Variants in PRKAR1A observed in about 807,000 individuals in gnomAD.
PRKAR1A encodes protein kinase cAMP-dependent type I regulatory subunit alpha.
PRKAR1A carries 3 observed loss-of-function variants against 52.0 expected under a neutral mutation model. The ratio of observed to expected loss-of-function variants is 0.06; its 90% CI spans 0.03 to 0.15. PRKAR1A has a LOEUF of 0.15. PRKAR1A is among the 10% of genes least tolerant of loss of function. The pLI, the probability that PRKAR1A is intolerant of heterozygous loss-of-function variation, is 1.00. For missense variants in PRKAR1A, 240 were observed against 477.4 expected, an observed-to-expected ratio of 0.50 and a Z score of 4.63; for synonymous variants, 188 against 168.4, an observed-to-expected ratio of 1.12 and a Z score of -0.90.
downstream of PRKAR1A, chr17:68,536,132 A>G (rs1041938078): frequency 1.0e-4 from 47 of 454,030 alleles, 1 homozygote; most frequent in Admixed American, 1.1e-3. Flanking sequence ...CCACGGGGTC[A>G]GAAGTGTTAT....
At chr17:68,536,466 C>T (rs2086099194), downstream of PRKAR1A, 1 of 453,988 alleles carries the variant, frequency 2.2e-6, no homozygotes, top group Admixed American at 2.3e-5. Flanking sequence ...GGAATCCCTA[C>T]TACACTTTCT....
At chr17:68,461,974 A>T in the PRKAR1A span, among the ~76,000 whole-genome samples, 15 of 152,312 alleles carry the variant, frequency 9.8e-5, no homozygotes, top group Middle Eastern at 3.4e-3. The surrounding 1 kb of genome is among the most constrained non-coding windows in gnomAD (Gnocchi z 4.6). Flanking sequence ...GTGAGATAGC[A>T]TGGCTGCAGT....
In PRKAR1A at chr17:68,533,154, G is replaced by C. The variant is rs1376622938; in HGVS notation, c.*2705G>C. On this transcript the variant is annotated 3_prime_UTR_variant, in exon 11 of 11. Transcript: ENST00000589228. ...TAATATATACATTTAATGTTACTTA[G>C]GGATACTTTTATATTTTGCATATAT... 1 of 1,059,344 alleles carries C rather than the reference G, an allele frequency of 9.4e-7. No individual in the cohort carries two copies. The highest frequency in any genetic ancestry group is 5.4e-5 in the Admixed American group (1 of 18,686). The allele number at this position is 1,059,344 out of a possible 1,614,324, so 65.6% of individuals were successfully genotyped here. A position where few individuals can be genotyped will look rare whatever the true frequency, so the allele number is the denominator to read the frequency against.
chr17:68,424,528 C>T, the PRKAR1A span: 4 of 533,180 alleles, frequency 7.5e-6, no homozygotes, highest in Non-Finnish European at 1.5e-5. Context: ...GTTTCAGTGC[C>T]CAAGTGGCAG....
chr17:68,425,513 AC>A, the PRKAR1A span, among the ~76,000 whole-genome samples: 10 of 149,470 alleles, frequency 6.7e-5, no homozygotes, highest in Non-Finnish European at 1.3e-4. Context: ...GAGCCACCGC[AC>A]CCGGCCACTT....
the PRKAR1A span, among the ~76,000 whole-genome samples, chr17:68,438,674 C>T: frequency 5.9e-5 from 9 of 152,356 alleles, no homozygotes; most frequent in African/African-American, 2.2e-4. Flanking sequence ...GATCTTGGCT[C>T]ACTGCAACCT....
chr17:68,505,736 C>T, the PRKAR1A span, among the ~76,000 whole-genome samples: 134 of 152,082 alleles, frequency 8.8e-4, no homozygotes, highest in Non-Finnish European at 1.4e-3. Context: ...TGGCTTGAGC[C>T]CAGGAGATGG....
chr17:68,550,325 A>T (rs1456236182), intron 11 of PRKAR1A, among the ~76,000 whole-genome samples: 1 of 151,594 alleles, frequency 6.6e-6, no homozygotes, highest in Non-Finnish European at 1.5e-5. Context: ...AAGTTGATCT[A>T]ACAACTAGGA....
chr17:68,530,780 G>A lies in PRKAR1A; in HGVS notation c.*331G>A, dbSNP rs1001484586. 24 of 1,281,538 alleles carry A rather than the reference G, an allele frequency of 1.9e-5. 1 individual carries two copies. The Admixed American group carries it at 8.1e-4, about 43-fold the overall frequency. The allele number at this position is 1,281,538 out of a possible 1,614,324, so 79.4% of individuals were successfully genotyped here. On this transcript the variant is annotated 3_prime_UTR_variant, in exon 11 of 11. Transcript: ENST00000589228. Reference sequence around the variant, plus strand: ...ACCTATTGAATTACCATAGAGTAATGATGTAACAGTGCAAGATTTTTTTTT... The same window carrying A: ...ACCTATTGAATTACCATAGAGTAATAATGTAACAGTGCAAGATTTTTTTTT...
At position 68,533,206 on chromosome 17, in the gene PRKAR1A, C is replaced by T; in HGVS notation, c.*2757C>T. On this transcript the variant is annotated 3_prime_UTR_variant, in exon 11 of 11. Coordinates refer to ENST00000589228, the MANE Select transcript of PRKAR1A (RefSeq NM_002734.5). Reference sequence around the variant, plus strand: ...AAGCCTCATATATAAAGCCTTATTTCTGATGCTCTTAGATTTCTGAGGAGT... The same window carrying T: ...AAGCCTCATATATAAAGCCTTATTTTTGATGCTCTTAGATTTCTGAGGAGT... 9.5e-7 allele frequency: 1 copy of T among 1,057,208 alleles called. No individual in the cohort carries two copies. The highest frequency in any genetic ancestry group is 1.1e-6 in the Non-Finnish European group (1 of 872,178). The allele number at this position is 1,057,208 out of a possible 1,614,324, so 65.5% of individuals were successfully genotyped here.
the PRKAR1A span, among the ~76,000 whole-genome samples, chr17:68,468,207 C>A: frequency 6.6e-6 from 1 of 152,086 alleles, no homozygotes; most frequent in Admixed American, 6.6e-5. Flanking sequence ...ACTTTGGTCC[C>A]TTTGGCTGTA....
the PRKAR1A span, among the ~76,000 whole-genome samples, chr17:68,485,895 T>C: frequency 6.6e-6 from 1 of 152,046 alleles, no homozygotes; most frequent in Non-Finnish European, 1.5e-5. Flanking sequence ...CGTGCCACCA[T>C]GCCTGGCTAA....
chr17:68,489,541 T>C, the PRKAR1A span, among the ~76,000 whole-genome samples: 1 of 147,764 alleles, frequency 6.8e-6, no homozygotes. Flanking sequence ...TATATGTATA[T>C]ATGGAAAGTA....
chr17:68,416,069 C>T, the PRKAR1A span, among the ~76,000 whole-genome samples: 5 of 151,954 alleles, frequency 3.3e-5, no homozygotes, highest in Non-Finnish European at 5.9e-5. Context: ...ATTTGTTGCC[C>T]ATGTGCCTTG....
the PRKAR1A span, among the ~76,000 whole-genome samples, chr17:68,488,225 G>A: frequency 6.6e-6 from 1 of 152,264 alleles, no homozygotes; most frequent in Non-Finnish European, 1.5e-5. Context: ...GCTTATTTGA[G>A]CAACAGCCAG....
chr17:68,497,411 T>C, the PRKAR1A span, among the ~76,000 whole-genome samples: 1 of 152,174 alleles, frequency 6.6e-6, no homozygotes, highest in Non-Finnish European at 1.5e-5. Flanking sequence ...TTTCTGTGAT[T>C]GTGGGAATAT....
At chr17:68,471,518 A>C in the PRKAR1A span, among the ~76,000 whole-genome samples, 3 of 152,184 alleles carry the variant, frequency 2.0e-5, no homozygotes, top group Admixed American at 2.0e-4. Flanking sequence ...TGTAACATCA[A>C]AACATCACTC....
At chr17:68,436,836 A>C in the PRKAR1A span, among the ~76,000 whole-genome samples, 1 of 152,000 alleles carries the variant, frequency 6.6e-6, no homozygotes, top group Admixed American at 6.6e-5. Context: ...ATCTCTACTA[A>C]AAATACAAAT....
the PRKAR1A span, among the ~76,000 whole-genome samples, chr17:68,505,589 G>C: frequency 1.3e-5 from 2 of 152,282 alleles, no homozygotes; most frequent in South Asian, 4.1e-4. Context: ...CAAGTGGATG[G>C]ACTGCTTGAG....
Sources: gnomAD v4.1 joint callset for allele counts (sites outside exome capture counted in the v4.1 genomes callset) on GRCh38, gnomAD v4.1.1 for gene constraint, Gnocchi (gnomAD v3.1) non-coding constraint, MANE v1.5 for transcripts, NCBI Gene and HGNC (gene_info 2026-07-23, HGNC 2026-07-21) for gene names.